UBE3C: variants seen among roughly 807,000 people sequenced by gnomAD.
UBE3C encodes ubiquitin-protein ligase E3C.
A neutral mutation model predicts 129.4 loss-of-function variants in UBE3C; 42 were observed. The observed-to-expected ratio is 0.32, with a 90% CI of 0.25 to 0.42. The LOEUF (loss-of-function observed/expected upper bound fraction) is 0.42, where lower values mean the gene tolerates loss of function less well. Ranked by LOEUF, UBE3C falls within the 10% of genes least tolerant of loss-of-function variation. The probability of loss-of-function intolerance (pLI) is 1.00; values close to 1 mark genes in which losing one functional copy is unlikely to be tolerated. For synonymous variants in UBE3C, 510 were observed against 492.4 expected (o/e 1.04, Z -0.47); for missense variants, 1,049 against 1,319.1 (o/e 0.80, Z 3.17).
chr7:157,171,618 G>T (rs1808366849), intron 4 of UBE3C, among the ~76,000 whole-genome samples: 1 of 136,276 alleles, frequency 7.3e-6, no homozygotes, highest in East Asian at 2.2e-4. Context: ...AATATTAAGA[G>T]ATTTGTATAT....
chr7:157,231,364 A>G, intron 18 of UBE3C, 37 bp downstream of exon 18: 1 of 1,601,972 alleles, frequency 6.2e-7, no homozygotes. Flanking sequence ...ACCTCGGACC[A>G]AAAGATGTTG....
At chr7:157,223,201 G>A in intron 15 of UBE3C, 53 bp from the exon 16 acceptor site, 1 of 1,538,442 alleles carries the variant, frequency 6.5e-7, no homozygotes, top group East Asian at 2.2e-5. Flanking sequence ...TTGTCAGTGG[G>A]AATGCAGGGG....
At chr7:157,235,282 T>C (rs1188428905) in intron 18 of UBE3C, among the ~76,000 whole-genome samples, 1 of 152,212 alleles carries the variant, frequency 6.6e-6, no homozygotes, top group Non-Finnish European at 1.5e-5. Context: ...TAACTTAATA[T>C]ATATGTGAAA....
At chr7:157,250,119 A>G (rs957627216) in intron 19 of UBE3C, among the ~76,000 whole-genome samples, 2 of 152,198 alleles carry the variant, frequency 1.3e-5, no homozygotes, top group African/African-American at 2.4e-5. Flanking sequence ...TATCAGTTCC[A>G]GAGACTGGCC....
chr7:157,239,993 T>C (rs1796262472), intron 18 of UBE3C, among the ~76,000 whole-genome samples: 1 of 152,198 alleles, frequency 6.6e-6, no homozygotes, highest in Admixed American at 6.5e-5. Context: ...GGGGGATCTA[T>C]TAAAAATGCA....
intron 18 of UBE3C, among the ~76,000 whole-genome samples, chr7:157,235,223 A>G (rs966049495): frequency 6.6e-6 from 1 of 152,142 alleles, no homozygotes; most frequent in African/African-American, 2.4e-5. Flanking sequence ...GAAAATCTTT[A>G]CAATGAAATC....
At chr7:157,165,003 A>G (rs919512086) in intron 2 of UBE3C, among the ~76,000 whole-genome samples, 19 of 152,154 alleles carry the variant, frequency 1.2e-4, no homozygotes, top group Middle Eastern at 3.2e-3. Context: ...TGCTCTGTAC[A>G]TTGGAGGATG....
In UBE3C at chr7:157,207,378, CTTCTT is replaced by C. The variant is rs1465718443; in HGVS notation, c.1419-13_1419-9del. 8 of 1,586,786 alleles carry C rather than the reference CTTCTT, an allele frequency of 5.0e-6. No individual in the cohort carries two copies. Among genetic ancestry groups the C allele is most frequent in the South Asian group, 4.7e-5 (4 of 84,832 alleles). The stretch of plus-strand genomic sequence containing the variant: ...TAATTTTAAAGTGACTGGTTTTTTT[CTTCTT>C]TTCTTTAATTCAAGGTCTATGGTAC... On this transcript the variant is annotated splice_polypyrimidine_tract_variant and intron_variant, in intron 11 of 22. Transcript: ENST00000348165.
intron 1 of UBE3C, among the ~76,000 whole-genome samples, chr7:157,162,415 G>A (rs931407494): frequency 3.9e-5 from 6 of 152,076 alleles, no homozygotes; most frequent in East Asian, 1.9e-4. Context: ...GGCTGGTCTC[G>A]AACTCCTGAC....
At position 157,154,782 on chromosome 7, in the gene UBE3C, A is replaced by G. The variant is rs572781998; in HGVS notation, c.67-9028A>G. 6.6e-5 allele frequency among the ~76,000 whole-genome samples: 10 copies of G among 152,356 alleles called. No individual in the cohort carries two copies. The East Asian group carries it at 1.7e-3, about 26-fold the overall frequency. On this transcript the variant is annotated intron_variant, in intron 1 of 22. Transcript: ENST00000348165. The stretch of plus-strand genomic sequence containing the variant: ...TCAAGTGAAGCAGAAGGAGTGGAGA[A>G]GGAACAAAGAAATCTATAACTGGTT...
At chr7:157,239,872 G>A (rs1796257304) in intron 18 of UBE3C, among the ~76,000 whole-genome samples, 1 of 152,180 alleles carries the variant, frequency 6.6e-6, no homozygotes, top group Non-Finnish European at 1.5e-5. Context: ...CATGAGCTGG[G>A]GAGCAGGAGC....
intron 10 of UBE3C, among the ~76,000 whole-genome samples, chr7:157,191,250 C>T (rs985299434): frequency 6.6e-6 from 1 of 152,082 alleles, no homozygotes; most frequent in Non-Finnish European, 1.5e-5. Flanking sequence ...TGTGCACGCG[C>T]GTGTGTATGT....
chr7:157,223,128 C>G, intron 15 of UBE3C, 126 bp from the exon 16 acceptor site: 1 of 985,382 alleles, frequency 1.0e-6, no homozygotes, highest in East Asian at 2.6e-5. Context: ...GGGATGTGTT[C>G]ATGGAACTGG....
At chr7:157,153,342 G>T (rs1323444263) in intron 1 of UBE3C, among the ~76,000 whole-genome samples, 2 of 152,064 alleles carry the variant, frequency 1.3e-5, no homozygotes, top group African/African-American at 4.8e-5. Flanking sequence ...CGAAATTTTA[G>T]AAAGTGTAAC....
At chr7:157,249,028 AAG>A (rs750748274) in intron 19 of UBE3C, among the ~76,000 whole-genome samples, 1 of 152,202 alleles carries the variant, frequency 6.6e-6, no homozygotes, top group Non-Finnish European at 1.5e-5. Context: ...CTTTTTAAAA[AAG>A]AAAAAAGAAA....
chr7:157,166,118 A>C (rs1808205421), intron 2 of UBE3C, among the ~76,000 whole-genome samples: 1 of 152,186 alleles, frequency 6.6e-6, no homozygotes, highest in Non-Finnish European at 1.5e-5. Flanking sequence ...CCTTGGTGTT[A>C]CCAATACTTT....
intron 5 of UBE3C, among the ~76,000 whole-genome samples, chr7:157,176,431 C>T (rs937974027): frequency 6.6e-6 from 1 of 152,160 alleles, no homozygotes; most frequent in Non-Finnish European, 1.5e-5. Flanking sequence ...CGTGCCACCA[C>T]GCCCAGCTAA....
intron 10 of UBE3C, among the ~76,000 whole-genome samples, chr7:157,201,414 A>C (rs1316246106): frequency 2.8e-5 from 4 of 144,670 alleles, no homozygotes; most frequent in Non-Finnish European, 6.0e-5. Flanking sequence ...GAGGGGGAGC[A>C]GGTTCAACTT....
At chr7:157,223,166 ATTTCAAGAATC>A in intron 15 of UBE3C, 77 bp from the exon 16 acceptor site, 2 of 1,362,722 alleles carry the variant, frequency 1.5e-6, no homozygotes, top group South Asian at 2.4e-5. Flanking sequence ...AATCAGGATG[ATTTCAAGAATC>A]TTCACCTTAA....
Sources: allele counts gnomAD v4.1 joint callset (sites outside exome capture counted in the v4.1 genomes callset), GRCh38; gene constraint gnomAD v4.1.1; transcripts MANE v1.5; gene names NCBI Gene and HGNC (gene_info 2026-07-23, HGNC 2026-07-21).